The following ATP8A1 variants were observed in gnomAD, a reference collection of about 807,000 sequenced individuals.
ATP8A1 encodes the protein ATPase phospholipid transporting 8A1, also known as phospholipid-transporting ATPase IA.
ATP8A1 carries 90 observed loss-of-function variants against 177.7 expected under a neutral mutation model. That is an observed-to-expected ratio of 0.51 (90% CI 0.43 to 0.60). The LOEUF is 0.60. Ranked by LOEUF, ATP8A1 falls within the 20% of genes least tolerant of loss-of-function variation. The pLI is 0.00. For synonymous variants in ATP8A1, 493 were observed against 485.9 expected (o/e 1.01, Z -0.19); for missense variants, 1,072 against 1,392.8 (o/e 0.77, Z 3.67).
At chr4:42,553,828 T>C (rs1278702863) in intron 16 of ATP8A1, among the ~76,000 whole-genome samples, 1 of 152,134 alleles carries the variant, frequency 6.6e-6, no homozygotes, top group East Asian at 1.9e-4. Flanking sequence ...AATATGCAAA[T>C]ATCATGTAAT....
chr4:42,427,949 G>C (rs1232940945), intron 33 of ATP8A1, among the ~76,000 whole-genome samples: 2 of 152,184 alleles, frequency 1.3e-5, no homozygotes, highest in African/African-American at 4.8e-5. Flanking sequence ...GCAAATATTC[G>C]TTGTGGGTTG....
intron 16 of ATP8A1, among the ~76,000 whole-genome samples, chr4:42,555,679 C>T (rs916935700): frequency 1.3e-5 from 2 of 151,850 alleles, no homozygotes; most frequent in African/African-American, 2.4e-5. Context: ...AAAAATTAGC[C>T]GGGTGTGGTG....
chr4:42,598,189 T>G (rs902749589), intron 6 of ATP8A1, among the ~76,000 whole-genome samples: 1 of 152,174 alleles, frequency 6.6e-6, no homozygotes, highest in African/African-American at 2.4e-5. Flanking sequence ...AACATTTAAC[T>G]CTTTTAGTCA....
intron 1 of ATP8A1, among the ~76,000 whole-genome samples, chr4:42,638,200 T>A (rs1196196289): frequency 1.3e-5 from 2 of 152,246 alleles, no homozygotes; most frequent in African/African-American, 2.4e-5. Context: ...TATTTTGTCA[T>A]CAGGACCTGT....
chr4:42,635,084 G>A (rs1010516631), intron 1 of ATP8A1, among the ~76,000 whole-genome samples: 5 of 152,112 alleles, frequency 3.3e-5, no homozygotes, highest in Non-Finnish European at 7.4e-5. Context: ...AATATTTATA[G>A]TTGTGACCAG....
At chr4:42,653,753 C>T (rs1002802198) in intron 1 of ATP8A1, among the ~76,000 whole-genome samples, 2 of 152,152 alleles carry the variant, frequency 1.3e-5, no homozygotes, top group Non-Finnish European at 2.9e-5. Flanking sequence ...TTCAAATATT[C>T]GGTCCTGTGT....
chr4:42,464,180 T>A (rs1403353433), intron 27 of ATP8A1, among the ~76,000 whole-genome samples: 2 of 151,412 alleles, frequency 1.3e-5, no homozygotes, highest in Non-Finnish European at 2.9e-5. Flanking sequence ...TATTATCTCA[T>A]TAGCATCTCT....
intron 25 of ATP8A1, among the ~76,000 whole-genome samples, chr4:42,465,770 T>C (rs1038450923): frequency 2.6e-5 from 4 of 152,034 alleles, no homozygotes; most frequent in Admixed American, 1.3e-4. Context: ...AGGTGGCTCA[T>C]GCCTGTAATC....
intron 15 of ATP8A1, among the ~76,000 whole-genome samples, chr4:42,564,083 G>A (rs1224709070): frequency 3.9e-5 from 6 of 152,160 alleles, no homozygotes; most frequent in South Asian, 2.1e-4. Context: ...CAAGACAGCA[G>A]AATTCTGTCT....
intron 31 of ATP8A1, among the ~76,000 whole-genome samples, chr4:42,445,390 A>C (rs1199541757): frequency 6.6e-6 from 1 of 152,250 alleles, no homozygotes; most frequent in Non-Finnish European, 1.5e-5. Flanking sequence ...AAAGCTTACC[A>C]ATCTTACAGA....
intron 24 of ATP8A1, among the ~76,000 whole-genome samples, chr4:42,491,082 T>A (rs1201885512): frequency 1.3e-5 from 2 of 152,086 alleles, no homozygotes; most frequent in Non-Finnish European, 2.9e-5. Context: ...TGATTTAGAA[T>A]AAAGAAAATG....
chr4:42,544,043 G>A lies in ATP8A1; in HGVS notation c.1653-57C>T, dbSNP rs536377106. On this transcript the variant is annotated intron_variant, in intron 19 of 36. Coordinates refer to ENST00000381668, the MANE Select transcript of ATP8A1 (RefSeq NM_006095.2). Reference sequence around the variant, plus strand: ...TCATACCAAGGATATGCATGTATGTGTTTGTCATGCCTCACATATTTTGAT... The same window carrying A: ...TCATACCAAGGATATGCATGTATGTATTTGTCATGCCTCACATATTTTGAT... 7 of 1,335,714 alleles carry A rather than the reference G, an allele frequency of 5.2e-6. 1 individual carries two copies. Among genetic ancestry groups the A allele is most frequent in the South Asian group, 1.2e-5 (1 of 81,180 alleles). 82.7% of individuals were successfully genotyped at this position (1,335,714 alleles called of 1,614,324 possible).
chr4:42,596,920 G>A (rs1419837984), intron 6 of ATP8A1, among the ~76,000 whole-genome samples: 1 of 152,162 alleles, frequency 6.6e-6, no homozygotes, highest in Non-Finnish European at 1.5e-5. Context: ...AATGAAGCCA[G>A]CAGCTTACCG....
chr4:42,590,945 AAAC>A, intron 6 of ATP8A1, 61 bp from the exon 7 acceptor site: 3 of 1,424,292 alleles, frequency 2.1e-6, no homozygotes, highest in Non-Finnish European at 2.9e-6. Flanking sequence ...AGAGGAAAAA[AAAC>A]AAACAAATGG....
At chr4:42,562,459 GCAT>G (rs1374614713) in intron 15 of ATP8A1, 3 of 153,460 alleles carry the variant, frequency 2.0e-5, no homozygotes, top group African/African-American at 7.2e-5. Flanking sequence ...GGCTAAGAAA[GCAT>G]TGTTTTGGGG....
chr4:42,565,783 C>A (rs1000398666), intron 15 of ATP8A1, among the ~76,000 whole-genome samples: 5 of 152,052 alleles, frequency 3.3e-5, no homozygotes, highest in East Asian at 1.9e-4. Flanking sequence ...AAATTTTCCA[C>A]AACAGAAGAC....
intron 24 of ATP8A1, among the ~76,000 whole-genome samples, chr4:42,490,887 CT>C (rs1722677844): frequency 6.6e-6 from 1 of 152,120 alleles, no homozygotes; most frequent in East Asian, 1.9e-4. Flanking sequence ...TGTTGAGTAG[CT>C]TATCTATTTA....
chr4:42,605,216 T>C (rs746013493), intron 5 of ATP8A1, among the ~76,000 whole-genome samples: 3 of 152,170 alleles, frequency 2.0e-5, no homozygotes, highest in Non-Finnish European at 4.4e-5. Context: ...AAGATGCCAA[T>C]GAACTATTTT....
intron 20 of ATP8A1, among the ~76,000 whole-genome samples, chr4:42,527,211 T>C (rs1489868875): frequency 6.6e-6 from 1 of 151,986 alleles, no homozygotes; most frequent in Non-Finnish European, 1.5e-5. Context: ...AGAGCTGAAA[T>C]TGTGGAAAAA....
Sources: gnomAD v4.1 joint callset for allele counts (sites outside exome capture counted in the v4.1 genomes callset) on GRCh38, gnomAD v4.1.1 for gene constraint, MANE v1.5 for transcripts, NCBI Gene and HGNC (gene_info 2026-07-23, HGNC 2026-07-21) for gene names.